The following ETFDH variants were observed in gnomAD, a reference collection of about 807,000 sequenced individuals.
ETFDH encodes the protein electron transfer flavoprotein-ubiquinone oxidoreductase, mitochondrial.
In ETFDH, 61 loss-of-function variants were observed where a neutral mutation model predicts 73.2. The observed-to-expected ratio is 0.83, with a 90% confidence interval of 0.68 to 1.03. The LOEUF (loss-of-function observed/expected upper bound fraction) is 1.03. Among genes scored for constraint, ETFDH ranks in the 50% least tolerant of loss-of-function variants. The pLI, the probability that ETFDH is intolerant of heterozygous loss-of-function variation, is 0.00. For missense variants in ETFDH, 685 were observed against 745.0 expected (o/e 0.92, Z 0.94); for synonymous variants, 243 against 253.3 (o/e 0.96, Z 0.39).
intron 6 of ETFDH, 66 bp from the exon 7 acceptor site, chr4:158,695,431 C>T: frequency 7.6e-7 from 1 of 1,310,350 alleles, no homozygotes. Flanking sequence ...CAATTTAAAT[C>T]TGACCAGAAT....
chr4:158,683,417 T>C (rs1773913398), intron 3 of ETFDH, among the ~76,000 whole-genome samples: 1 of 152,212 alleles, frequency 6.6e-6, no homozygotes, highest in Non-Finnish European at 1.5e-5. Context: ...TTCGTCTGTC[T>C]CTCCTTTCTG....
chr4:158,687,890 A>G (rs945254813), intron 5 of ETFDH, among the ~76,000 whole-genome samples: 3 of 150,876 alleles, frequency 2.0e-5, no homozygotes, highest in Admixed American at 2.0e-4. Flanking sequence ...AATACGAAAA[A>G]TTAGCCGGGC....
Position 158,708,411 on chromosome 4 carries a change from C to G in ETFDH, c.1738C>G (p.Gln580Glu). Residue 580 changes from glutamine to glutamate, a missense_variant, in exon 13 of 13, where the codon CAG becomes GAG. Transcript: ENST00000511912. ...GGAACAAGGTGATGGATTTCGGTTA[C>G]AGATAAATGCTCAGAACTGTGTACA... Reference protein sequence around the residue: ...PVEQGDGFRLQINAQNCVHCK... With the variant: ...PVEQGDGFRLEINAQNCVHCK... The G allele has an allele frequency of 6.2e-7, 1 of 1,611,558 alleles. No homozygotes were observed. Among genetic ancestry groups the G allele is most frequent in the Non-Finnish European group, 8.5e-7 (1 of 1,177,760 alleles).
At chr4:158,676,977 G>GA (rs1773725269) in intron 1 of ETFDH, among the ~76,000 whole-genome samples, 1 of 152,084 alleles carries the variant, frequency 6.6e-6, no homozygotes, top group African/African-American at 2.4e-5. Flanking sequence ...TATATGATTT[G>GA]AAAATATTTT....
intron 6 of ETFDH, among the ~76,000 whole-genome samples, chr4:158,694,322 A>G (rs116041555): frequency 0.012 from 1,770 of 152,268 alleles, 27 homozygotes; most frequent in African/African-American, 0.038. Context: ...GCCAGGCACC[A>G]TGGCTCACAC....
intron 3 of ETFDH, 77 bp downstream of exon 3, chr4:158,682,501 T>C: frequency 8.8e-7 from 1 of 1,130,886 alleles, no homozygotes; most frequent in Non-Finnish European, 1.3e-6. Context: ...ATTACTGGAA[T>C]ATAGGAAACC....
intron 1 of ETFDH, chr4:158,679,408 TA>T (rs1773788548): frequency 1.3e-5 from 2 of 152,126 alleles, no homozygotes; most frequent in Non-Finnish European, 2.9e-5. Context: ...CTCATCCAGC[TA>T]GAAAGATTAA....
intron 3 of ETFDH, among the ~76,000 whole-genome samples, chr4:158,683,690 C>T (rs1580398375): frequency 6.6e-6 from 1 of 152,120 alleles, no homozygotes; most frequent in African/African-American, 2.4e-5. Context: ...AGTAATCCTC[C>T]CACCTCAGCC....
intron 9 of ETFDH, among the ~76,000 whole-genome samples, chr4:158,699,679 C>G (rs927904633): frequency 2.0e-5 from 3 of 152,220 alleles, no homozygotes; most frequent in Admixed American, 6.5e-5. Context: ...TAATATTTCT[C>G]TGTTCCTTAA....
Position 158,698,989 on chromosome 4 carries a change from T to A in ETFDH, c.975T>A (p.Val325=). 6.3e-7 allele frequency: 1 copy of A among 1,592,426 alleles called. No individual in the cohort carries two copies. Among genetic ancestry groups the A allele is most frequent in the Non-Finnish European group, 8.6e-7 (1 of 1,161,556 alleles). The change falls in exon 9 of 13, where the codon GTT becomes GTA. Residue 325 remains valine, a splice_region_variant and synonymous_variant. Transcript: ENST00000511912. ...GEPLVALGLV[V]GLDYQNPYLS... ...AAATATAAGTGTAAATTTTTAAGGTTGGTCTAGACTATCAGAATCCATACC... is the reference window on the plus strand; with the variant it reads ...AAATATAAGTGTAAATTTTTAAGGTAGGTCTAGACTATCAGAATCCATACC...
Position 158,684,437 on chromosome 4 carries a change from A to AT in ETFDH, c.406-153dup, listed in dbSNP as rs533148026. On this transcript the variant is annotated intron_variant, in intron 3 of 12. Coordinates refer to ENST00000511912, the MANE Select transcript of ETFDH (RefSeq NM_004453.4). ...TCTGTACATCTCAGACAGAGAAAGG[A>AT]TTCACAGTGACAAGTTTTATAAAGG... 3.3e-5 allele frequency among the ~76,000 whole-genome samples: 5 copies of AT among 151,896 alleles called. No homozygotes were observed. In the East Asian group the frequency reaches 9.7e-4, roughly 29 times the overall value.
At chr4:158,701,026 A>G (rs1774449509) in intron 9 of ETFDH, 1 of 152,194 alleles carries the variant, frequency 6.6e-6, no homozygotes, top group South Asian at 2.1e-4. Flanking sequence ...TATACCAAAA[A>G]TCATCTTCCC....
intron 9 of ETFDH, among the ~76,000 whole-genome samples, chr4:158,700,264 A>G (rs1406535398): frequency 6.6e-6 from 1 of 152,148 alleles, no homozygotes; most frequent in Non-Finnish European, 1.5e-5. Flanking sequence ...TGCTGTCCCC[A>G]AAGTCTGTCA....
At chr4:158,689,636 A>ATATATATATAT (rs765147554) in intron 5 of ETFDH, among the ~76,000 whole-genome samples, 21 of 63,646 alleles carry the variant, frequency 3.3e-4, no homozygotes, top group Admixed American at 7.8e-4. Context: ...ATATATATAT[A>ATATATATATAT]TTGTGGGGGG....
chr4:158,701,597 C>T (rs778489303), intron 9 of ETFDH, among the ~76,000 whole-genome samples: 23 of 152,170 alleles, frequency 1.5e-4, no homozygotes, highest in Non-Finnish European at 3.2e-4. Context: ...AGAGCTGTGG[C>T]GACAGAGTGC....
chr4:158,678,610 C>G (rs1773769131), intron 1 of ETFDH, among the ~76,000 whole-genome samples: 1 of 151,278 alleles, frequency 6.6e-6, no homozygotes, highest in Non-Finnish European at 1.5e-5. Context: ...CCACATCACT[C>G]AAAGGGAGGA....
At chr4:158,695,077 C>T (rs889842120) in intron 6 of ETFDH, among the ~76,000 whole-genome samples, 1 of 152,212 alleles carries the variant, frequency 6.6e-6, no homozygotes, top group Non-Finnish European at 1.5e-5. Context: ...TGTGAACCCA[C>T]ACAGTTGAAA....
At chr4:158,695,347 T>TAAGAAGAGTAAGATTATAAG in intron 6 of ETFDH, 150 bp from the exon 7 acceptor site, 4 of 555,582 alleles carry the variant, frequency 7.2e-6, no homozygotes, top group Non-Finnish European at 9.4e-6. Context: ...TGATTCTATA[T>TAAGAAGAGTAAGATTATAAG]ATTATATATT....
At chr4:158,681,945 C>A in intron 2 of ETFDH, 1 of 504,778 alleles carries the variant, frequency 2.0e-6, no homozygotes, top group South Asian at 2.3e-5. Flanking sequence ...TAAATATTTG[C>A]TAAATGTATA....
Sources: gnomAD v4.1 joint callset for allele counts (sites outside exome capture counted in the v4.1 genomes callset) on GRCh38, gnomAD v4.1.1 for gene constraint, MANE v1.5 for transcripts, NCBI Gene and HGNC (gene_info 2026-07-23, HGNC 2026-07-21) for gene names.